Variants in ERBB4 observed in about 807,000 individuals in gnomAD.
The protein encoded by ERBB4 is receptor tyrosine-protein kinase erbB-4.
Under a neutral mutation model 158.0 loss-of-function variants are expected in ERBB4, and 42 were observed. That is an observed-to-expected ratio of 0.27 (90% CI 0.21 to 0.34). The LOEUF (loss-of-function observed/expected upper bound fraction) is 0.34. Ranked by LOEUF, ERBB4 falls within the 10% of genes least tolerant of loss-of-function variation. The pLI, the probability that ERBB4 is intolerant of heterozygous loss-of-function variation, is 1.00. For missense variants in ERBB4, 1,333 were observed against 1,624.1 expected (o/e 0.82, Z 3.08); for synonymous variants, 583 against 558.7 (o/e 1.04, Z -0.61).
chr2:211,900,882 G>A (rs759754266), intron 3 of ERBB4, among the ~76,000 whole-genome samples: 1 of 151,948 alleles, frequency 6.6e-6, no homozygotes, highest in Admixed American at 6.6e-5. Context: ...CTATTTTCCT[G>A]AGCAATATTT....
chr2:211,705,588 A>G (rs984008359), intron 9 of ERBB4, among the ~76,000 whole-genome samples, 197 bp from the exon 10 acceptor site: 1 of 152,258 alleles, frequency 6.6e-6, no homozygotes, highest in African/African-American at 2.4e-5. Flanking sequence ...GTCACAAAAT[A>G]TGAGATTTTC....
intron 1 of ERBB4, among the ~76,000 whole-genome samples, chr2:212,274,195 G>C (rs2085444542): frequency 6.6e-6 from 1 of 151,792 alleles, no homozygotes; most frequent in South Asian, 2.1e-4. Context: ...GAAAGGTCAG[G>C]AAACTGCAGT....
intron 3 of ERBB4, among the ~76,000 whole-genome samples, chr2:211,845,579 T>A (rs1339781543): frequency 6.6e-6 from 1 of 152,148 alleles, no homozygotes; most frequent in Non-Finnish European, 1.5e-5. Flanking sequence ...TTGCTGGGCT[T>A]GTGTGGACCA....
chr2:212,185,021 C>CTTTTTTTTTTTCTTTTTTT lies in ERBB4; in HGVS notation c.83-60119_83-60118insAAAAAAAGAAAAAAAAAAA, dbSNP rs1553584050. On this transcript the variant is annotated intron_variant, in intron 1 of 27. Coordinates refer to ENST00000342788, the MANE Select transcript of ERBB4 (RefSeq NM_005235.3). ...TTAGATATCACAGTTACTTTTTTTT[C>CTTTTTTTTTTTCTTTTTTT]TTTTTTTTTTTTCTTTTGAGACAGA... 2.6e-4 allele frequency among the ~76,000 whole-genome samples: 35 copies of CTTTTTTTTTTTCTTTTTTT among 132,532 alleles called. 1 individual carries two copies. Among genetic ancestry groups the CTTTTTTTTTTTCTTTTTTT allele is most frequent in the African/African-American group, 9.9e-4 (35 of 35,394 alleles). The allele number at this position is 132,532 out of a possible 152,430, so 86.9% of individuals were successfully genotyped here.
At chr2:211,955,983 T>C (rs1210229481) in intron 2 of ERBB4, among the ~76,000 whole-genome samples, 1 of 151,974 alleles carries the variant, frequency 6.6e-6, no homozygotes, top group Non-Finnish European at 1.5e-5. Context: ...ATTGTAAGTA[T>C]ACATATTTCA....
intron 1 of ERBB4, among the ~76,000 whole-genome samples, chr2:212,154,519 G>A (rs535910870): frequency 1.3e-5 from 2 of 152,200 alleles, no homozygotes; most frequent in Admixed American, 1.3e-4. Context: ...TTTAAAAACT[G>A]ACATGTTAAA....
chr2:211,562,055 G>A lies in ERBB4; in HGVS notation c.2335C>T (p.His779Tyr), dbSNP rs2125722311. The A allele has an allele frequency of 1.9e-6, 3 of 1,613,902 alleles. No homozygotes were observed. The highest frequency in any genetic ancestry group is 2.5e-6 in the Non-Finnish European group (3 of 1,180,032). ...CACACACCCAGCAACCGGACTAGGTGTGGATGATCCATACTTGCCATGATC... is the reference window on the plus strand; with the variant it reads ...CACACACCCAGCAACCGGACTAGGTATGGATGATCCATACTTGCCATGATC... The part of the protein sequence containing the change: ...ALIMASMDHP[H>Y]LVRLLGVCLS... The change falls in exon 20 of 28, where the codon CAC becomes TAC. Residue 779 changes from histidine (H) to tyrosine (Y), a missense_variant. His to Tyr is a moderately conservative substitution (Grantham distance 83). Transcript: ENST00000342788.
chr2:211,636,106 TG>T (rs1431173014), intron 16 of ERBB4, among the ~76,000 whole-genome samples: 26 of 151,910 alleles, frequency 1.7e-4, no homozygotes, highest in South Asian at 4.2e-4. Flanking sequence ...AATGCGTGTG[TG>T]TGTTTTTTTA....
intron 7 of ERBB4, among the ~76,000 whole-genome samples, chr2:211,721,258 ATTTTGGAT>A (rs574313603): frequency 6.1e-4 from 93 of 152,212 alleles, no homozygotes; most frequent in African/African-American, 2.1e-3. Flanking sequence ...AGCATTTCAG[ATTTTGGAT>A]TTTTGGATTG....
chr2:211,728,217 T>C (rs111540578), intron 5 of ERBB4, among the ~76,000 whole-genome samples: 1,887 of 151,938 alleles, frequency 0.012, 17 homozygotes, highest in African/African-American at 0.02. Flanking sequence ...CTGTATTTTG[T>C]TACAGCATCA....
rs185530959 is a variant in ERBB4 at position 212,462,759 on chromosome 2, T to C, written c.82+75690A>G. On this transcript the variant is annotated intron_variant, in intron 1 of 27. Transcript: ENST00000342788. ...CAGCAATTCCACTACTGGGTATATA[T>C]CTAAAGGAAAGGAAATCAGTAAGCC... 2.7e-3 allele frequency among the ~76,000 whole-genome samples: 406 copies of C among 152,186 alleles called. 1 individual carries two copies. The highest frequency in any genetic ancestry group is 6.9e-3 in the Admixed American group (106 of 15,262).
Position 211,589,039 on chromosome 2 carries a change from TC to T in ERBB4, c.2302-26952del, listed in dbSNP as rs1222343327. On this transcript the variant is annotated intron_variant, in intron 19 of 27. Transcript: ENST00000342788. ...GAAAATAAATATAACTGTGTTCAAATCCTGAAAATCTATAATTGCAATCTGA... is the reference window on the plus strand; with the variant it reads ...GAAAATAAATATAACTGTGTTCAAATCTGAAAATCTATAATTGCAATCTGA... Among the ~76,000 whole-genome samples, 4 of 152,138 alleles carry T rather than the reference TC, an allele frequency of 2.6e-5. No homozygotes were observed. In the East Asian group the frequency reaches 7.7e-4, roughly 29 times the overall value.
intron 2 of ERBB4, among the ~76,000 whole-genome samples, chr2:211,998,985 A>G (rs1377908545): frequency 6.6e-6 from 1 of 151,866 alleles, no homozygotes; most frequent in Non-Finnish European, 1.5e-5. Context: ...TTAACAAAAA[A>G]GTTTCATCAT....
At chr2:211,534,827 T>C (rs973358186) in intron 20 of ERBB4, among the ~76,000 whole-genome samples, 15 of 151,958 alleles carry the variant, frequency 9.9e-5, no homozygotes, top group Admixed American at 8.5e-4. Context: ...AGCGAGAGCG[T>C]TGACTAATGA....
intron 5 of ERBB4, among the ~76,000 whole-genome samples, chr2:211,747,809 C>T (rs2075018068): frequency 6.6e-6 from 1 of 151,558 alleles, no homozygotes; most frequent in African/African-American, 2.4e-5. Context: ...TATTCACCAT[C>T]TATGTATATA....
At chr2:211,787,485 T>C (rs896502972) in intron 4 of ERBB4, among the ~76,000 whole-genome samples, 2 of 152,202 alleles carry the variant, frequency 1.3e-5, no homozygotes, top group African/African-American at 4.8e-5. Flanking sequence ...AATCAGACTG[T>C]AACATGTTTC....
At chr2:211,997,020 G>A (rs568509265) in intron 2 of ERBB4, among the ~76,000 whole-genome samples, 3 of 152,256 alleles carry the variant, frequency 2.0e-5, no homozygotes, top group African/African-American at 7.2e-5. Context: ...TTTTAACTGC[G>A]AAGTGAAGGA....
At chr2:211,404,982 A>ATTAGGAAATTGGAAC (rs1559134797) in intron 25 of ERBB4, among the ~76,000 whole-genome samples, 3 of 152,136 alleles carry the variant, frequency 2.0e-5, no homozygotes, top group Non-Finnish European at 2.9e-5. Context: ...AAATGTGGAA[A>ATTAGGAAATTGGAAC]TTAGGAAATT....
At chr2:212,478,384 T>TAG (rs1689513900) in intron 1 of ERBB4, among the ~76,000 whole-genome samples, 2 of 152,054 alleles carry the variant, frequency 1.3e-5, no homozygotes, top group Non-Finnish European at 2.9e-5. Context: ...CTCTTTCAGC[T>TAG]ATTTGAACTA....
Sources: allele counts gnomAD v4.1 joint callset (sites outside exome capture counted in the v4.1 genomes callset), GRCh38; gene constraint gnomAD v4.1.1; transcripts MANE v1.5; gene names NCBI Gene and HGNC (gene_info 2026-07-23, HGNC 2026-07-21).